Variants in HIVEP3 observed in about 807,000 individuals in gnomAD.
HIVEP3 encodes transcription factor HIVEP3.
A neutral mutation model predicts 152.8 loss-of-function variants in HIVEP3; 49 were observed. The observed-to-expected ratio is 0.32, with a 90% confidence interval of 0.26 to 0.41. The LOEUF (loss-of-function observed/expected upper bound fraction) is 0.41, where lower values mean the gene tolerates loss of function less well. HIVEP3 is among the 10% of genes least tolerant of loss of function. HIVEP3 has a pLI of 1.00. For missense variants in HIVEP3, 2,790 were observed against 3,103.3 expected (o/e 0.90, Z 2.40); for synonymous variants, 1,269 against 1,289.0 (o/e 0.98, Z 0.33).
intron 2 of HIVEP3, among the ~76,000 whole-genome samples, chr1:41,658,520 CA>C (rs1322088184): frequency 1.3e-5 from 2 of 152,192 alleles, no homozygotes; most frequent in Non-Finnish European, 2.9e-5. Flanking sequence ...CAGGAACCAG[CA>C]GTTACCAAGT....
At chr1:41,941,699 AT>A in intron 1 of HIVEP3, among the ~76,000 whole-genome samples, 1 of 152,224 alleles carries the variant, frequency 6.6e-6, no homozygotes, top group Non-Finnish European at 1.5e-5. Context: ...GGAATTATAA[AT>A]TTAAGGCACA....
chr1:41,794,439 G>C (rs2124302885), intron 1 of HIVEP3, among the ~76,000 whole-genome samples: 1 of 152,288 alleles, frequency 6.6e-6, no homozygotes, highest in East Asian at 1.9e-4. Context: ...TATTTTACTA[G>C]TATAAATCCT....
intron 2 of HIVEP3, among the ~76,000 whole-genome samples, chr1:41,680,264 T>C (rs12568726): frequency 0.034 from 5,243 of 152,298 alleles, 131 homozygotes; most frequent in African/African-American, 0.069. Context: ...CCATCAGTAC[T>C]GAGCATGTCC....
intron 2 of HIVEP3, among the ~76,000 whole-genome samples, chr1:41,642,484 A>G (rs1250714412): frequency 1.3e-5 from 2 of 152,108 alleles, no homozygotes; most frequent in Admixed American, 6.5e-5. Context: ...AAAGCCCTCC[A>G]TGACTCTACT....
chr1:41,676,488 A>G (rs954645090), intron 2 of HIVEP3, among the ~76,000 whole-genome samples: 1 of 152,216 alleles, frequency 6.6e-6, no homozygotes, highest in African/African-American at 2.4e-5. Flanking sequence ...CTGTGGGAGC[A>G]TGGCAGGGTC....
chr1:41,635,331 T>G (rs886521916), intron 2 of HIVEP3, among the ~76,000 whole-genome samples: 11 of 152,048 alleles, frequency 7.2e-5, no homozygotes, highest in African/African-American at 2.7e-4. Flanking sequence ...CTTAGATGTT[T>G]TCATGATAAA....
chr1:41,554,899 G>C (rs895952434), intron 5 of HIVEP3, among the ~76,000 whole-genome samples: 2 of 152,184 alleles, frequency 1.3e-5, no homozygotes, highest in Non-Finnish European at 2.9e-5. Flanking sequence ...TGTATGAGGT[G>C]ATAGTCGGCC....
chr1:41,990,362 C>G (rs966203004), intron 1 of HIVEP3, among the ~76,000 whole-genome samples: 6 of 151,882 alleles, frequency 4.0e-5, no homozygotes, highest in African/African-American at 7.3e-5. Context: ...ACATTTTTTC[C>G]TTCACAGACT....
intron 1 of HIVEP3, among the ~76,000 whole-genome samples, chr1:41,794,334 C>T (rs1649864529): frequency 6.6e-6 from 1 of 152,096 alleles, no homozygotes; most frequent in African/African-American, 2.4e-5. Flanking sequence ...TCCACCTGGC[C>T]CCACCCTTGA....
At chr1:41,823,812 C>T (rs953727787) in intron 1 of HIVEP3, among the ~76,000 whole-genome samples, 1 of 152,180 alleles carries the variant, frequency 6.6e-6, no homozygotes, top group East Asian at 1.9e-4. Flanking sequence ...ACTGGGGGTA[C>T]ACACAGCTTC....
chr1:41,792,446 G>A (rs1391243950), intron 1 of HIVEP3, among the ~76,000 whole-genome samples: 1 of 152,210 alleles, frequency 6.6e-6, no homozygotes, highest in Non-Finnish European at 1.5e-5. Context: ...CTCCAGCCGT[G>A]GTGGTGCTGC....
chr1:41,980,456 A>G (rs1645288041), intron 1 of HIVEP3, among the ~76,000 whole-genome samples: 1 of 152,196 alleles, frequency 6.6e-6, no homozygotes, highest in Non-Finnish European at 1.5e-5. Context: ...AGACACAAAG[A>G]CTACCTATTA....
chr1:41,740,912 G>T (rs138139993), intron 1 of HIVEP3, among the ~76,000 whole-genome samples: 2,224 of 152,316 alleles, frequency 0.015, 25 homozygotes, highest in Non-Finnish European at 0.018. Flanking sequence ...AGGGACAGCT[G>T]GCAGGGGGTG....
At chr1:41,638,748 T>C (rs927221482) in intron 2 of HIVEP3, among the ~76,000 whole-genome samples, 3 of 152,144 alleles carry the variant, frequency 2.0e-5, no homozygotes, top group Non-Finnish European at 2.9e-5. Context: ...TGCTCTCCAC[T>C]CTCCACCAAC....
At chr1:41,656,069 A>G (rs1465011620) in intron 2 of HIVEP3, among the ~76,000 whole-genome samples, 1 of 152,190 alleles carries the variant, frequency 6.6e-6, no homozygotes, top group Non-Finnish European at 1.5e-5. Context: ...ATTCAATGTC[A>G]TGAACGTTTC....
rs145577419 is a variant in HIVEP3 at position 41,693,827 on chromosome 1, C to A, written c.-721+7089G>T. Among the ~76,000 whole-genome samples, 842 of 152,134 alleles carry A rather than the reference C, an allele frequency of 5.5e-3. 10 individuals carry two copies. The highest frequency in any genetic ancestry group is 0.02 in the African/African-American group (809 of 41,472). On this transcript the variant is annotated intron_variant, in intron 2 of 8. Transcript: ENST00000372583. ...TTGGTGTAGGAACTGAGGTAGGGAG[C>A]CAGTTGTATTCCCTCTCCTCCATAC...
intron 5 of HIVEP3, among the ~76,000 whole-genome samples, chr1:41,544,574 C>T (rs943989024): frequency 6.6e-6 from 1 of 151,556 alleles, no homozygotes; most frequent in Non-Finnish European, 1.5e-5. Context: ...GCACCACGAC[C>T]ACCTCTACCA....
chr1:41,515,838 G>A (rs531008802), intron 7 of HIVEP3, among the ~76,000 whole-genome samples: 1 of 152,278 alleles, frequency 6.6e-6, no homozygotes, highest in South Asian at 2.1e-4. Flanking sequence ...CACACAGTAA[G>A]TACCCAATAA....
intron 2 of HIVEP3, among the ~76,000 whole-genome samples, chr1:41,636,699 C>G (rs1260259404): frequency 6.6e-6 from 1 of 152,102 alleles, no homozygotes; most frequent in African/African-American, 2.4e-5. Flanking sequence ...ATGCAAAATG[C>G]TGGCCTCGTT....
Sources: gnomAD v4.1 joint callset for allele counts (sites outside exome capture counted in the v4.1 genomes callset) on GRCh38, gnomAD v4.1.1 for gene constraint, MANE v1.5 for transcripts, NCBI Gene and HGNC (gene_info 2026-07-23, HGNC 2026-07-21) for gene names.